The following ABCC1 variants were observed in gnomAD, a reference collection of about 807,000 sequenced individuals.
ABCC1 encodes multidrug resistance-associated protein 1.
A neutral mutation model predicts 172.9 loss-of-function variants in ABCC1; 83 were observed. The ratio of observed to expected loss-of-function variants is 0.48; its 90% confidence interval spans 0.40 to 0.58. ABCC1 has a LOEUF of 0.58. ABCC1 is among the 20% of genes least tolerant of loss of function. The probability of loss-of-function intolerance (pLI) is 0.00; values close to 1 mark genes in which losing one functional copy is unlikely to be tolerated. For synonymous variants in ABCC1, 937 were observed against 825.2 expected, an observed-to-expected ratio of 1.14 and a Z score of -2.32; for missense variants, 1,817 against 2,002.7, an observed-to-expected ratio of 0.91 and a Z score of 1.77.
In ABCC1 at chr16:16,044,688, C is replaced by A. The variant is rs771736210; in HGVS notation, c.1040+8C>A. 2.5e-6 allele frequency: 4 copies of A among 1,611,016 alleles called. No individual in the cohort carries two copies. The highest frequency in any genetic ancestry group is 3.4e-6 in the Non-Finnish European group (4 of 1,177,248). ...CGGGCCGCAGATCTTAAAGTAAGAC[C>A]CCTTCCCTCCCAGGTGGGCTCCATT... On this transcript the variant is annotated splice_region_variant and intron_variant, in intron 8 of 30. Transcript: ENST00000399410.
chr16:16,043,243 T>C (rs866054217), intron 7 of ABCC1, among the ~76,000 whole-genome samples: 35 of 140,868 alleles, frequency 2.5e-4, no homozygotes, highest in East Asian at 5.9e-4. Flanking sequence ...TTTTTTTTTT[T>C]CCACTGATGT....
At chr16:16,113,787 G>A (rs577084811) in intron 22 of ABCC1, among the ~76,000 whole-genome samples, 1 of 152,158 alleles carries the variant, frequency 6.6e-6, no homozygotes, top group African/African-American at 2.4e-5. Context: ...TTGGCACCAG[G>A]GACTGGTTTC....
At position 16,118,444 on chromosome 16, in the gene ABCC1, T is replaced by TTC. The variant is rs1555501544; in HGVS notation, c.3390+3368_3390+3369insTC. ...GCCAGCTTTTTTTTTTTTTTTTTTT[T>TTC]CCCCTGCATTTACCAAATATGTTAT... is the stretch of plus-strand genomic sequence containing the variant. On this transcript the variant is annotated intron_variant, in intron 23 of 30. Transcript: ENST00000399410. Among the ~76,000 whole-genome samples, 1,046 of 132,642 alleles carry TTC rather than the reference T, an allele frequency of 7.9e-3. 13 individuals are homozygous for TTC. Among genetic ancestry groups the TTC allele is most frequent in the Non-Finnish European group, 0.014 (796 of 57,168 alleles). 87.0% of individuals were successfully genotyped at this position (132,642 alleles called of 152,430 possible).
intron 5 of ABCC1, among the ~76,000 whole-genome samples, chr16:16,029,374 C>T (rs990551931): frequency 6.6e-6 from 1 of 152,104 alleles, no homozygotes; most frequent in African/African-American, 2.4e-5. Flanking sequence ...AGGCACGTGC[C>T]ACCATGTCCG....
chr16:16,080,254 A>G (rs1451603669), intron 16 of ABCC1, among the ~76,000 whole-genome samples: 3 of 152,064 alleles, frequency 2.0e-5, no homozygotes, highest in Non-Finnish European at 4.4e-5. Flanking sequence ...TGGATCTCTG[A>G]GTATCTATTC....
At chr16:16,013,643 A>G (rs892028000) in intron 3 of ABCC1, among the ~76,000 whole-genome samples, 1 of 152,138 alleles carries the variant, frequency 6.6e-6, no homozygotes, top group Non-Finnish European at 1.5e-5. Flanking sequence ...GACATTAAAC[A>G]AATGATTCCT....
chr16:15,972,411 G>C (rs965296312), intron 1 of ABCC1, among the ~76,000 whole-genome samples: 1 of 152,122 alleles, frequency 6.6e-6, no homozygotes, highest in Non-Finnish European at 1.5e-5. Flanking sequence ...GGAGTTGCTG[G>C]CATTGGATTA....
chr16:16,080,098 C>T (rs2050750818), intron 16 of ABCC1, among the ~76,000 whole-genome samples: 1 of 152,098 alleles, frequency 6.6e-6, no homozygotes, highest in Admixed American at 6.5e-5. Context: ...CAGGTGTGAG[C>T]CACCGCATTT....
At chr16:16,051,710 C>T (rs1194330475) in intron 10 of ABCC1, among the ~76,000 whole-genome samples, 1 of 152,132 alleles carries the variant, frequency 6.6e-6, no homozygotes, top group Non-Finnish European at 1.5e-5. Flanking sequence ...TTGCTTGGCA[C>T]ATACCAAAAG....
intron 3 of ABCC1, among the ~76,000 whole-genome samples, chr16:16,011,166 G>A (rs953744637): frequency 6.6e-6 from 1 of 152,172 alleles, no homozygotes; most frequent in African/African-American, 2.4e-5. Flanking sequence ...CCGGGAAGTG[G>A]AGGCTGCAGT....
chr16:16,016,542 T>A lies in ABCC1; in HGVS notation c.536T>A (p.Phe179Tyr), dbSNP rs1358279091. 4 of 1,614,180 alleles carry A rather than the reference T, an allele frequency of 2.5e-6. No individual in the cohort carries two copies. The highest frequency in any genetic ancestry group is 3.4e-6 in the Non-Finnish European group (4 of 1,180,020). The change falls in exon 5 of 31, where the codon TTT becomes TAT. Residue 179 changes from phenylalanine to tyrosine, a missense_variant. Around this residue, in one of 3 missense-constraint regions of ABCC1, gnomAD observed 398 missense variants for 384.2 expected, o/e 1.04. Transcript: ENST00000399410. ...LFRDITFYVYFSLLLIQLVLS... is the reference protein window; with the variant it reads ...LFRDITFYVYYSLLLIQLVLS... ...CGTGACATCACTTTCTACGTCTACT[T>A]TTCCCTCTTACTCATTCAGCTCGTC...
In ABCC1 at chr16:16,124,789, G is replaced by A. The variant is rs1567432895; in HGVS notation, c.3591G>A (p.Arg1197=). 1.9e-6 allele frequency: 3 copies of A among 1,613,988 alleles called. No homozygotes were observed. Among genetic ancestry groups the A allele is most frequent in the Non-Finnish European group, 2.5e-6 (3 of 1,180,052 alleles). Residue 1197 remains arginine (R), a splice_region_variant and synonymous_variant, in exon 25 of 31, where the codon AGG becomes AGA. Transcript: ENST00000399410. The stretch of plus-strand genomic sequence containing the variant: ...TGTCTGCCTGTGTGTCTTGGCGCAG[G>A]TGGCTGGCCGTGCGGCTGGAGTGTG... ...KAYYPSIVAN[R]WLAVRLECVG... is the part of the protein sequence containing the mutation.
At chr16:16,047,637 C>T (rs2049267208) in intron 9 of ABCC1, among the ~76,000 whole-genome samples, 1 of 152,044 alleles carries the variant, frequency 6.6e-6, no homozygotes, top group African/African-American at 2.4e-5. Flanking sequence ...TCCTACAGTG[C>T]GCAGGACAGC....
rs1032973538 is a variant in ABCC1 at position 16,009,651 on chromosome 16, A to G, written c.226-125A>G. On this transcript the variant is annotated intron_variant, in intron 2 of 30. Transcript: ENST00000399410. ...TTCCAGTGGATATGTGCCATGTCCT[A>G]GGACTGTGGCTGATCATTTGAAGGC... 8.6e-6 allele frequency: 9 copies of G among 1,040,824 alleles called. No homozygotes were observed. In the African/African-American group the frequency reaches 1.5e-4, roughly 17 times the overall value. 64.5% of individuals were successfully genotyped at this position (1,040,824 alleles called of 1,614,324 possible).
chr16:16,128,909 C>T (rs531475548), intron 26 of ABCC1, among the ~76,000 whole-genome samples: 2 of 152,236 alleles, frequency 1.3e-5, no homozygotes, highest in South Asian at 4.1e-4. Flanking sequence ...GTGGGAGGAT[C>T]GCTGGAACCC....
At chr16:16,043,673 C>T (rs2049080178) in intron 7 of ABCC1, among the ~76,000 whole-genome samples, 1 of 152,064 alleles carries the variant, frequency 6.6e-6, no homozygotes, top group Non-Finnish European at 1.5e-5. Flanking sequence ...CTGATCTCCA[C>T]TCACAGCAAC....
chr16:16,051,862 T>G (rs1196186052), intron 10 of ABCC1, among the ~76,000 whole-genome samples: 1 of 152,212 alleles, frequency 6.6e-6, no homozygotes, highest in Non-Finnish European at 1.5e-5. Flanking sequence ...GGGCTAAACT[T>G]GTAAGCAGCC....
chr16:16,103,338 G>A (rs935747460), intron 20 of ABCC1, among the ~76,000 whole-genome samples: 4 of 152,170 alleles, frequency 2.6e-5, no homozygotes, highest in African/African-American at 7.2e-5. Flanking sequence ...CCAGCACTTC[G>A]GGAGGCTGAG....
intron 12 of ABCC1, among the ~76,000 whole-genome samples, chr16:16,060,396 GC>G (rs1441882375): frequency 6.6e-6 from 1 of 152,138 alleles, no homozygotes; most frequent in Non-Finnish European, 1.5e-5. Flanking sequence ...ACATCTTGTT[GC>G]CCTTCTGTAA....
Sources: gnomAD v4.1 joint callset for allele counts (sites outside exome capture counted in the v4.1 genomes callset) on GRCh38, gnomAD v4.1.1 for gene constraint, gnomAD v4.1.1 regional missense constraint, MANE v1.5 for transcripts, NCBI Gene and HGNC (gene_info 2026-07-23, HGNC 2026-07-21) for gene names.